The following SAMMSON variants were observed in gnomAD, a reference collection of about 807,000 sequenced individuals.
The protein encoded by SAMMSON is survival associated mitochondrial melanoma specific oncogenic non-coding RNA, also known as long intergenic non-protein coding RNA 1212.
At chr3:70,083,273 G>A (rs2067273056) in intron 4 of SAMMSON, among the ~76,000 whole-genome samples, 1 of 152,138 alleles carries the variant, frequency 6.6e-6, no homozygotes, top group Non-Finnish European at 1.5e-5. Context: ...TGACTATAAC[G>A]TAAATACTTA....
At chr3:70,341,765 C>T (rs903273696) in intron 7 of SAMMSON, among the ~76,000 whole-genome samples, 2 of 152,156 alleles carry the variant, frequency 1.3e-5, no homozygotes, top group East Asian at 1.9e-4. Flanking sequence ...AGAACTTTGT[C>T]CTTAATAGCA....
chr3:70,368,631 T>C (rs1477518727), intron 9 of SAMMSON, among the ~76,000 whole-genome samples: 1 of 151,616 alleles, frequency 6.6e-6, no homozygotes, highest in East Asian at 1.9e-4. Context: ...CATTATCCTC[T>C]CTCTATTGAA....
At chr3:70,326,592 A>G (rs1287101176) in intron 7 of SAMMSON, among the ~76,000 whole-genome samples, 2 of 152,112 alleles carry the variant, frequency 1.3e-5, no homozygotes, top group African/African-American at 4.8e-5. Flanking sequence ...CATCTCTTAT[A>G]TTCTGAGCAG....
chr3:70,061,332 T>C (rs1420115536), intron 3 of SAMMSON, among the ~76,000 whole-genome samples: 3 of 152,156 alleles, frequency 2.0e-5, no homozygotes, highest in African/African-American at 7.2e-5. Flanking sequence ...ATCTTTGTTC[T>C]AAGCCAGAGG....
At chr3:70,028,126 C>T (rs1434870310) in intron 3 of SAMMSON, among the ~76,000 whole-genome samples, 6 of 144,520 alleles carry the variant, frequency 4.2e-5, no homozygotes, top group East Asian at 2.0e-4. Context: ...TCCTTCCTTC[C>T]GTCCCTTCCT....
chr3:70,025,037 C>G (rs1576100558), intron 3 of SAMMSON: 1 of 151,980 alleles, frequency 6.6e-6, no homozygotes, highest in African/African-American at 2.4e-5. Context: ...GTAGATAACA[C>G]CATGGGCTAA....
intron 7 of SAMMSON, among the ~76,000 whole-genome samples, chr3:70,297,704 T>C (rs1304971846): frequency 1.3e-5 from 2 of 152,124 alleles, no homozygotes; most frequent in African/African-American, 4.8e-5. Context: ...AGCATTTGTT[T>C]ATTATTATTT....
At chr3:70,268,273 C>A (rs13062564) in intron 6 of SAMMSON, among the ~76,000 whole-genome samples, 60,820 of 151,918 alleles carry the variant, frequency 0.4, 13,402 homozygotes, top group Non-Finnish European at 0.51. Context: ...AAGTTCGCGA[C>A]CAGCCTGGAC....
chr3:70,282,639 C>T (rs1367325787), intron 6 of SAMMSON, among the ~76,000 whole-genome samples: 1 of 152,170 alleles, frequency 6.6e-6, no homozygotes, highest in Non-Finnish European at 1.5e-5. Flanking sequence ...AAACATGGTT[C>T]TTGCCCTCAT....
chr3:70,065,792 G>A (rs967967992), intron 3 of SAMMSON, among the ~76,000 whole-genome samples: 1 of 152,076 alleles, frequency 6.6e-6, no homozygotes, highest in African/African-American at 2.4e-5. Context: ...GGCCCCAAAT[G>A]TTAATAGCGC....
At chr3:70,165,021 C>T (rs1250752972) in intron 4 of SAMMSON, among the ~76,000 whole-genome samples, 3 of 151,952 alleles carry the variant, frequency 2.0e-5, no homozygotes, top group African/African-American at 7.2e-5. Flanking sequence ...ATTTTTAAGA[C>T]ATATATAAGA....
intron 4 of SAMMSON, among the ~76,000 whole-genome samples, chr3:70,100,242 G>A (rs1181754029): frequency 2.0e-5 from 3 of 151,906 alleles, no homozygotes; most frequent in Non-Finnish European, 2.9e-5. Flanking sequence ...AACCTCCCAG[G>A]CTCAAGCAAT....
chr3:70,236,093 A>C (rs6790613), intron 4 of SAMMSON, among the ~76,000 whole-genome samples: 16,161 of 151,868 alleles, frequency 0.11, 1,292 homozygotes, highest in African/African-American at 0.22. Flanking sequence ...AGCTCTCTTC[A>C]CTCTTTCCCT....
At chr3:70,230,542 G>C (rs543370021) in intron 4 of SAMMSON, among the ~76,000 whole-genome samples, 12 of 152,042 alleles carry the variant, frequency 7.9e-5, no homozygotes, top group Non-Finnish European at 1.8e-4. Context: ...CCTAATAGAT[G>C]TTTGAATAAT....
At chr3:70,168,053 G>A (rs571415474) in intron 4 of SAMMSON, among the ~76,000 whole-genome samples, 4 of 152,078 alleles carry the variant, frequency 2.6e-5, no homozygotes, top group African/African-American at 9.6e-5. Flanking sequence ...TTGTTTCCAT[G>A]GCCAAAGACG....
chr3:70,026,647 G>A (rs2067040325), intron 3 of SAMMSON, among the ~76,000 whole-genome samples: 1 of 152,152 alleles, frequency 6.6e-6, no homozygotes, highest in Non-Finnish European at 1.5e-5. Flanking sequence ...TCTTATGGTA[G>A]CCCGAGAGAT....
chr3:70,025,417 G>A (rs2067033446), intron 3 of SAMMSON, among the ~76,000 whole-genome samples: 2 of 151,956 alleles, frequency 1.3e-5, no homozygotes, highest in Admixed American at 1.3e-4. Flanking sequence ...GATAAGTTTT[G>A]TATTTAGTAG....
intron 4 of SAMMSON, among the ~76,000 whole-genome samples, chr3:70,077,468 A>AG (rs1475706685): frequency 1.1e-4 from 16 of 152,292 alleles, no homozygotes; most frequent in African/African-American, 3.8e-4. Flanking sequence ...GGGAATAAAG[A>AG]GGAGGAAAGA....
At chr3:70,211,423 GCCCTTCCCTTCCCTTCCCTT>G (rs142100552) in intron 4 of SAMMSON, among the ~76,000 whole-genome samples, 20 of 7,196 alleles carry the variant, frequency 2.8e-3, no homozygotes, top group Non-Finnish European at 6.3e-3. Flanking sequence ...CCTTCCCTTT[GCCCTTCCCTTCCCTTCCCTT>G]CCTTTCCCTT....
Sources: gnomAD v4.1 joint callset for allele counts (sites outside exome capture counted in the v4.1 genomes callset) on GRCh38, gnomAD v4.1.1 for gene constraint, MANE v1.5 for transcripts, NCBI Gene and HGNC (gene_info 2026-07-23, HGNC 2026-07-21) for gene names.